The following RUFY2 variants were observed in gnomAD, a reference collection of about 807,000 sequenced individuals.
RUFY2 encodes RUN and FYVE domain containing 2, also known as RUN and FYVE domain-containing protein 2.
RUFY2 carries 49 observed loss-of-function variants against 94.4 expected under a neutral mutation model. The ratio of observed to expected loss-of-function variants is 0.52; its 90% CI spans 0.41 to 0.66. The LOEUF is 0.66. Among genes scored for constraint, RUFY2 ranks in the 30% least tolerant of loss-of-function variants. The pLI is 0.00. For synonymous variants in RUFY2, 255 were observed against 235.7 expected (o/e 1.08, Z -0.75); for missense variants, 541 against 692.8 (o/e 0.78, Z 2.46).
chr10:68,366,373 T>C (rs1400857276), intron 13 of RUFY2, among the ~76,000 whole-genome samples: 2 of 144,246 alleles, frequency 1.4e-5, no homozygotes, highest in African/African-American at 2.5e-5. Flanking sequence ...AAAAGGAAGA[T>C]GTAAGTACAT....
At chr10:68,393,456 AG>A (rs2050150894) in intron 6 of RUFY2, among the ~76,000 whole-genome samples, 1 of 152,136 alleles carries the variant, frequency 6.6e-6, no homozygotes, top group African/African-American at 2.4e-5. Context: ...GGCCGGGCAC[AG>A]TGGCTCATTC....
intron 3 of RUFY2, among the ~76,000 whole-genome samples, chr10:68,400,487 T>C (rs556382741): frequency 8.7e-5 from 13 of 149,900 alleles, no homozygotes; most frequent in African/African-American, 2.0e-4. Flanking sequence ...CCATCCTGGC[T>C]AACATGGTGA....
intron 15 of RUFY2, among the ~76,000 whole-genome samples, chr10:68,355,923 A>AG (rs1220108523): frequency 6.6e-6 from 1 of 151,770 alleles, no homozygotes; most frequent in African/African-American, 2.4e-5. Context: ...CAAAAAAAAA[A>AG]AAAAAGAAAA....
Position 68,355,387 on chromosome 10 carries a change from A to G in RUFY2, c.1565T>C (p.Ile522Thr), listed in dbSNP as rs749571234. 6.2e-7 allele frequency: 1 copy of G among 1,610,164 alleles called. No individual in the cohort carries two copies. The highest frequency in any genetic ancestry group is 8.5e-7 in the Non-Finnish European group (1 of 1,176,808). ...GNKLSESKLK[I>T]EDIKEANKAL... is the part of the protein sequence containing the mutation. ...TTTGTTGGCTTCTTTTATGTCTTCA[A>G]TTTTAAGTTTTGATCTAAAAAGATT... Residue 522 changes from isoleucine (I) to threonine (T), a missense_variant, in exon 16 of 18, where the codon ATT (isoleucine) becomes ACT (threonine). Transcript: ENST00000602465.
chr10:68,390,965 C>T (rs1000219511), intron 7 of RUFY2, among the ~76,000 whole-genome samples: 5 of 135,754 alleles, frequency 3.7e-5, no homozygotes, highest in Admixed American at 7.9e-5. Flanking sequence ...GATGGAGTCT[C>T]GTTACGTCGC....
At chr10:68,405,917 GAC>G (rs943693106) in intron 1 of RUFY2, among the ~76,000 whole-genome samples, 3 of 152,160 alleles carry the variant, frequency 2.0e-5, no homozygotes. Context: ...ATATTTTTAA[GAC>G]ACAGTATCAT....
At chr10:68,341,423 CCT>C, downstream of RUFY2, 1 of 1,173,198 alleles carries the variant, frequency 8.5e-7, no homozygotes, top group South Asian at 1.4e-5. Flanking sequence ...AACCATTTGA[CCT>C]CTATAATGGC....
At chr10:68,374,114 C>CAAAAAA (rs34041522) in intron 13 of RUFY2, among the ~76,000 whole-genome samples, 1 of 59,344 alleles carries the variant, frequency 1.7e-5, no homozygotes, top group Admixed American at 2.6e-4. Context: ...GATCCTGTCC[C>CAAAAAA]AAAAAAAAAA....
intron 13 of RUFY2, among the ~76,000 whole-genome samples, chr10:68,375,629 A>G (rs2048578094): frequency 6.6e-6 from 1 of 151,782 alleles, no homozygotes; most frequent in African/African-American, 2.4e-5. Context: ...AAAAAAAATT[A>G]GTTGGGTGTG....
rs146362548 is a variant in RUFY2, at chr10:68,361,129, C to T, written c.1550+2461G>A. 1.7e-3 allele frequency among the ~76,000 whole-genome samples: 259 copies of T among 151,794 alleles called. 1 individual carries two copies. Among genetic ancestry groups the T allele is most frequent in the African/African-American group, 5.9e-3 (243 of 41,378 alleles). On this transcript the variant is annotated intron_variant, in intron 15 of 17. Transcript: ENST00000602465. ...AAACGCTGTCTCTACTAAAAATTAGCCAGGTGTGGTGGTGGGCGCCAGTAA... is the reference window on the plus strand; with the variant it reads ...AAACGCTGTCTCTACTAAAAATTAGTCAGGTGTGGTGGTGGGCGCCAGTAA...
At chr10:68,371,524 G>A (rs191959319) in intron 13 of RUFY2, among the ~76,000 whole-genome samples, 2 of 151,744 alleles carry the variant, frequency 1.3e-5, no homozygotes, top group South Asian at 2.1e-4. Flanking sequence ...TCCAGGAGGC[G>A]GAGGTTGCAG....
chr10:68,388,851 AAAAGAAAAG>A (rs1163440312), intron 7 of RUFY2, among the ~76,000 whole-genome samples: 1 of 125,030 alleles, frequency 8.0e-6, no homozygotes, highest in African/African-American at 2.5e-5. Flanking sequence ...AAAAAAAAAA[AAAAGAAAAG>A]AAAAGAAAAA....
intron 13 of RUFY2, among the ~76,000 whole-genome samples, chr10:68,365,779 C>T (rs1287422419): frequency 6.6e-6 from 1 of 151,530 alleles, no homozygotes; most frequent in African/African-American, 2.4e-5. Flanking sequence ...CATCATTTCA[C>T]TCAGTCAGAG....
chr10:68,373,817 C>T (rs7086030), intron 13 of RUFY2, among the ~76,000 whole-genome samples: 16,520 of 151,964 alleles, frequency 0.11, 1,113 homozygotes, highest in South Asian at 0.25. Context: ...TATATGCTGT[C>T]TATAAGAAAC....
intron 1 of RUFY2, 50 bp downstream of exon 1, chr10:68,407,136 T>C (rs2051390774): frequency 8.0e-6 from 12 of 1,493,774 alleles, no homozygotes; most frequent in Non-Finnish European, 1.1e-5. Context: ...GCCGCGGCCC[T>C]CAGCCCGGGA....
rs34041522 is a variant in RUFY2, at chr10:68,374,114, C to CAAA, written c.1325+2736_1325+2738dup. On this transcript the variant is annotated intron_variant, in intron 13 of 17. Coordinates refer to ENST00000602465, the MANE Select transcript of RUFY2 (RefSeq NM_001330103.2). ...GCTGGGCAAGAGTGAGATCCTGTCC[C>CAAA]AAAAAAAAAAAAAAAAAAAAAAAAG... is the stretch of plus-strand genomic sequence containing the variant. 1.0e-2 allele frequency among the ~76,000 whole-genome samples: 588 copies of CAAA among 59,084 alleles called. 2 individuals are homozygous for CAAA. The highest frequency in any genetic ancestry group is 0.02 in the African/African-American group (289 of 14,142). The allele number at this position is 59,084 out of a possible 152,430, so 38.8% of individuals were successfully genotyped here.
chr10:68,355,122 C>T (rs932489190), intron 16 of RUFY2, among the ~76,000 whole-genome samples: 5 of 152,150 alleles, frequency 3.3e-5, no homozygotes, highest in African/African-American at 9.7e-5. Flanking sequence ...GCTCGGATTA[C>T]GGGCGTGAGC....
downstream of RUFY2, chr10:68,341,852 G>GT: frequency 6.2e-7 from 1 of 1,608,282 alleles, no homozygotes; most frequent in Non-Finnish European, 8.5e-7. Flanking sequence ...GGTGGTTATG[G>GT]TAAGTATCTC....
chr10:68,390,934 ATT>A (rs576388613), intron 7 of RUFY2, among the ~76,000 whole-genome samples: 33 of 124,092 alleles, frequency 2.7e-4, no homozygotes, highest in Admixed American at 3.2e-4. Flanking sequence ...ACCTGGCCTA[ATT>A]TTTTTTTTTT....
Sources: allele counts gnomAD v4.1 joint callset (sites outside exome capture counted in the v4.1 genomes callset), GRCh38; gene constraint gnomAD v4.1.1; transcripts MANE v1.5; gene names NCBI Gene and HGNC (gene_info 2026-07-23, HGNC 2026-07-21).